Variants in MTMR3 observed in about 807,000 individuals in gnomAD.
MTMR3 encodes phosphatidylinositol-3,5-bisphosphate 3-phosphatase MTMR3.
Under a neutral mutation model 132.4 loss-of-function variants are expected in MTMR3, and 32 were observed. That is an observed-to-expected ratio of 0.24 (90% confidence interval 0.18 to 0.32). The LOEUF (loss-of-function observed/expected upper bound fraction) is 0.32. MTMR3 is among the 10% of genes least tolerant of loss of function. The probability of loss-of-function intolerance (pLI) is 1.00; values close to 1 mark genes in which losing one functional copy is unlikely to be tolerated. For synonymous variants in MTMR3, 556 were observed against 550.3 expected (o/e 1.01, Z -0.14); for missense variants, 1,216 against 1,489.6 (o/e 0.82, Z 3.02).
intron 1 of MTMR3, among the ~76,000 whole-genome samples, chr22:29,889,678 A>T (rs1377609028): frequency 1.3e-5 from 2 of 151,764 alleles, no homozygotes; most frequent in African/African-American, 4.8e-5. Flanking sequence ...TTTTTTTCTT[A>T]TACATATCTA....
intron 2 of MTMR3, among the ~76,000 whole-genome samples, chr22:29,970,497 CTTTTTTTTTTTTTTT>C (rs11326857): frequency 3.5e-5 from 2 of 57,744 alleles, no homozygotes; most frequent in African/African-American, 7.9e-5. Flanking sequence ...CCATGACCAG[CTTTTTTTTTTTTTTT>C]TTTTTTTTTT....
chr22:30,022,534 C>A, intron 18 of MTMR3, 75 bp from the exon 19 acceptor site: 1 of 1,293,052 alleles, frequency 7.7e-7, no homozygotes, highest in Non-Finnish European at 1.1e-6. Flanking sequence ...ACTCTTGCTG[C>A]CCCCAGCATG....
chr22:29,961,719 T>G (rs1230103275), intron 2 of MTMR3, among the ~76,000 whole-genome samples: 1 of 152,120 alleles, frequency 6.6e-6, no homozygotes, highest in Admixed American at 6.5e-5. Context: ...TACAGTAATG[T>G]CCTAGGCCTT....
chr22:30,009,218 A>C, intron 12 of MTMR3, 89 bp downstream of exon 12: 2 of 941,334 alleles, frequency 2.1e-6, no homozygotes, highest in Non-Finnish European at 3.4e-6. Flanking sequence ...AAAAAGAAAA[A>C]AAAATTAATT....
chr22:29,884,264 A>G (rs1188106385), intron 1 of MTMR3, among the ~76,000 whole-genome samples: 1 of 151,880 alleles, frequency 6.6e-6, no homozygotes, highest in African/African-American at 2.4e-5. Context: ...CCAAACAAAC[A>G]AAACAAAACA....
intron 1 of MTMR3, among the ~76,000 whole-genome samples, chr22:29,940,607 A>G (rs527335481): frequency 2.4e-4 from 36 of 150,000 alleles, no homozygotes; most frequent in Non-Finnish European, 4.7e-4. Context: ...AAATCGGAAC[A>G]TTCTTTAAGG....
chr22:30,006,165 T>A (rs551962342), intron 9 of MTMR3: 1 of 152,330 alleles, frequency 6.6e-6, no homozygotes, highest in African/African-American at 2.4e-5. Context: ...TTTTTATCAG[T>A]TAAAATTGCC....
intron 1 of MTMR3, among the ~76,000 whole-genome samples, chr22:29,950,782 T>G (rs2066060994): frequency 6.6e-6 from 1 of 152,218 alleles, no homozygotes; most frequent in South Asian, 2.1e-4. Context: ...GGACATAGAT[T>G]CAGAAAATAA....
chr22:29,893,803 C>T (rs1255377339), intron 1 of MTMR3, among the ~76,000 whole-genome samples: 4 of 151,868 alleles, frequency 2.6e-5, no homozygotes, highest in Non-Finnish European at 4.4e-5. Flanking sequence ...TTTTCTACAA[C>T]GAGCATGTAT....
chr22:29,915,732 C>T (rs2065296498), intron 1 of MTMR3, among the ~76,000 whole-genome samples: 1 of 152,114 alleles, frequency 6.6e-6, no homozygotes, highest in Non-Finnish European at 1.5e-5. Context: ...CTGACAGTCT[C>T]CTTTTAATTG....
chr22:29,987,271 C>G (rs1244151500), intron 5 of MTMR3: 2 of 152,230 alleles, frequency 1.3e-5, no homozygotes, highest in Non-Finnish European at 2.9e-5. Flanking sequence ...TCTGAGAGTT[C>G]TGTGCTGACT....
chr22:29,938,151 G>C (rs1381573260), intron 1 of MTMR3, among the ~76,000 whole-genome samples: 2 of 152,022 alleles, frequency 1.3e-5, no homozygotes, highest in Non-Finnish European at 2.9e-5. Context: ...CCAGCACCAT[G>C]CAGTTCCAGG....
chr22:29,934,569 G>C (rs984683150), intron 1 of MTMR3, among the ~76,000 whole-genome samples: 6 of 152,200 alleles, frequency 3.9e-5, no homozygotes, highest in Admixed American at 2.6e-4. Flanking sequence ...CTTTTCCTTA[G>C]TATCTAAGTT....
chr22:29,890,512 A>G (rs2064775866), intron 1 of MTMR3, among the ~76,000 whole-genome samples: 1 of 151,890 alleles, frequency 6.6e-6, no homozygotes, highest in African/African-American at 2.4e-5. Flanking sequence ...AGTGAGACTC[A>G]GTCTCAAAAG....
At chr22:30,007,745 A>G (rs928873960) in intron 10 of MTMR3, 156 bp from the exon 11 acceptor site, 1 of 887,448 alleles carries the variant, frequency 1.1e-6, no homozygotes, top group Non-Finnish European at 1.7e-6. Context: ...GCCACATAGA[A>G]AAAAAGAGAA....
At chr22:29,991,309 A>G in intron 6 of MTMR3, 195 bp from the exon 7 acceptor site, 1 of 445,496 alleles carries the variant, frequency 2.2e-6, no homozygotes, top group South Asian at 4.9e-5. Context: ...CTCCTTTTGG[A>G]CATTTTGTTC....
rs186756586 is a variant in MTMR3, at chr22:29,959,573, T to C, written c.-85+2485T>C. 7.5e-3 allele frequency among the ~76,000 whole-genome samples: 1,146 copies of C among 152,020 alleles called. 10 individuals are homozygous for C. The highest frequency in any genetic ancestry group is 0.026 in the African/African-American group (1,072 of 41,442). ...TTTGTGTTTTTAGTAGAGACGGGGTTTCACTATGTTGGCCAGGCTGGTCTC... is the reference window on the plus strand; with the variant it reads ...TTTGTGTTTTTAGTAGAGACGGGGTCTCACTATGTTGGCCAGGCTGGTCTC... On this transcript the variant is annotated intron_variant, in intron 2 of 19. Transcript: ENST00000401950.
chr22:29,936,612 G>T (rs1263984768), intron 1 of MTMR3, among the ~76,000 whole-genome samples: 2 of 152,170 alleles, frequency 1.3e-5, no homozygotes, highest in Non-Finnish European at 2.9e-5. Flanking sequence ...TGCTTGGCTG[G>T]AGGATATTTA....
At chr22:30,001,980 G>C (rs989280411) in intron 8 of MTMR3, 3 of 152,174 alleles carry the variant, frequency 2.0e-5, no homozygotes, top group Non-Finnish European at 2.9e-5. Flanking sequence ...ATAGGCTAGG[G>C]CAGGGGGTTG....
Sources: allele counts gnomAD v4.1 joint callset (sites outside exome capture counted in the v4.1 genomes callset), GRCh38; gene constraint gnomAD v4.1.1; transcripts MANE v1.5; gene names NCBI Gene and HGNC (gene_info 2026-07-23, HGNC 2026-07-21).